Variants in UGT1A4 observed in about 807,000 individuals in gnomAD.
The protein encoded by UGT1A4 is UDP glucuronosyltransferase family 1 member A4, also known as UDP-glucuronosyltransferase 1A4.
A neutral mutation model predicts 41.1 loss-of-function variants in UGT1A4; 32 were observed. That is an observed-to-expected ratio of 0.78 (90% CI 0.59 to 1.05). UGT1A4 has a LOEUF of 1.05. Ranked by LOEUF, UGT1A4 falls within the 50% of genes least tolerant of loss-of-function variation. UGT1A4 has a pLI of 0.00. For missense variants in UGT1A4, 748 were observed against 677.4 expected (o/e 1.10, Z -1.16); for synonymous variants, 283 against 265.1 (o/e 1.07, Z -0.66).
At position 233,725,197 on chromosome 2, in the gene UGT1A4, C is replaced by G. The variant is rs183860264; in HGVS notation, c.867+5510C>G. 1.8e-3 allele frequency among the ~76,000 whole-genome samples: 143 copies of G among 80,676 alleles called. 7 individuals are homozygous for G. The highest frequency in any genetic ancestry group is 6.4e-3 in the Middle Eastern group (1 of 156). The allele number at this position is 80,676 out of a possible 152,430, so 52.9% of individuals were successfully genotyped here. A position where few individuals can be genotyped will look rare whatever the true frequency, so the allele number is the denominator to read the frequency against. On this transcript the variant is annotated intron_variant, in intron 1 of 4. Transcript: ENST00000373409. ...CCGTGGGGAGAGGCAGAGGCAGAGG[C>G]AGAGGCAGAGGCAGAGGCAGAGGAG...
chr2:233,731,567 G>C (rs187865178), intron 1 of UGT1A4, among the ~76,000 whole-genome samples: 1 of 152,286 alleles, frequency 6.6e-6, no homozygotes, highest in Non-Finnish European at 1.5e-5. Flanking sequence ...AGTTTGCTGA[G>C]AATGATGGTT....
intron 1 of UGT1A4, chr2:233,743,783 C>T (rs781656153): frequency 2.2e-6 from 3 of 1,367,380 alleles, no homozygotes; most frequent in Non-Finnish European, 2.9e-6. Context: ...CTGCTTGAAT[C>T]TCCTCTCCGC....
intron 1 of UGT1A4, chr2:233,743,836 C>G (rs62191918): frequency 1.5e-6 from 2 of 1,367,146 alleles, no homozygotes; most frequent in South Asian, 1.1e-5. Flanking sequence ...GCCACTTGAG[C>G]GCCAGCTTGC....
intron 1 of UGT1A4, among the ~76,000 whole-genome samples, chr2:233,751,413 T>C (rs1057500388): frequency 6.6e-6 from 1 of 152,208 alleles, no homozygotes; most frequent in Non-Finnish European, 1.5e-5. Flanking sequence ...TATGGACTTT[T>C]GAGCTAGTGC....
chr2:233,772,899 G>A lies in UGT1A4; in HGVS notation c.*340G>A, dbSNP rs1167184820. 6 of 428,920 alleles carry A rather than the reference G, an allele frequency of 1.4e-5. No homozygotes were observed. The highest frequency in any genetic ancestry group is 8.2e-5 in the African/African-American group (4 of 48,988). 26.6% of individuals were successfully genotyped at this position (428,920 alleles called of 1,614,324 possible). ...TGCGGGATTCAAAGGTGGTCCCACG[G>A]CTGCCCCTACTGCAAATGGCAGTTT... is the stretch of plus-strand genomic sequence containing the variant. On this transcript the variant is annotated 3_prime_UTR_variant, in exon 5 of 5. Coordinates refer to ENST00000373409, the MANE Select transcript of UGT1A4 (RefSeq NM_007120.3).
intron 1 of UGT1A4, among the ~76,000 whole-genome samples, chr2:233,727,196 C>T (rs77179634): frequency 0.034 from 5,111 of 152,210 alleles, 99 homozygotes; most frequent in African/African-American, 0.05. Flanking sequence ...CTGGGGTGAC[C>T]TCACTGACAC....
chr2:233,728,673 T>C (rs1429159158), intron 1 of UGT1A4, among the ~76,000 whole-genome samples: 1 of 152,152 alleles, frequency 6.6e-6, no homozygotes, highest in Non-Finnish European at 1.5e-5. Context: ...TACTCATACA[T>C]GAGAAGAAAG....
chr2:233,752,825 T>C (rs1254190294), intron 1 of UGT1A4, among the ~76,000 whole-genome samples: 1 of 152,218 alleles, frequency 6.6e-6, no homozygotes, highest in African/African-American at 2.4e-5. Context: ...ATTTATGACA[T>C]CAGTAATCTA....
At chr2:233,734,318 A>T (rs1468594401) in intron 1 of UGT1A4, among the ~76,000 whole-genome samples, 1 of 152,016 alleles carries the variant, frequency 6.6e-6, no homozygotes, top group African/African-American at 2.4e-5. Context: ...GTGTAGACGT[A>T]TTTATAGTAT....
Position 233,767,954 on chromosome 2 carries a change from G to A in UGT1A4, c.1087+18G>A, listed in dbSNP as rs770382182. On this transcript the variant is annotated intron_variant, in intron 3 of 4. Transcript: ENST00000373409. ...TCTGCTTGGTATGTTGGGCGGATTG[G>A]ATGTATAGGTCAAACCAGGGTCAAA... 1.9e-5 allele frequency: 30 copies of A among 1,614,036 alleles called. No homozygotes were observed. The highest frequency in any genetic ancestry group is 2.5e-6 in the Non-Finnish European group (3 of 1,180,050).
chr2:233,766,518 A>G (rs542510910), intron 1 of UGT1A4, among the ~76,000 whole-genome samples: 1 of 152,214 alleles, frequency 6.6e-6, no homozygotes, highest in East Asian at 1.9e-4. Context: ...GGGAAATGAA[A>G]CATTTAGGCA....
chr2:233,761,011 G>A, intron 1 of UGT1A4: 1 of 1,614,156 alleles, frequency 6.2e-7, no homozygotes, highest in Non-Finnish European at 8.5e-7. Flanking sequence ...TCAGAGAGAG[G>A]TGACTGTCCA....
rs2126036602 is a variant in UGT1A4 at position 233,768,050 on chromosome 2, C to G, written c.1087+114C>G. On this transcript the variant is annotated intron_variant, in intron 3 of 4. Transcript: ENST00000373409. ...TTGAAAATATTATGGCCAACATATC[C>G]TACATTGCTTTTTATCTAGTGGGGT... 3 of 1,606,318 alleles carry G rather than the reference C, an allele frequency of 1.9e-6. No individual in the cohort carries two copies. In the Middle Eastern group the frequency reaches 5.0e-4, roughly 265 times the overall value.
chr2:233,750,098 G>A (rs1449295750), intron 1 of UGT1A4, among the ~76,000 whole-genome samples: 1 of 151,902 alleles, frequency 6.6e-6, no homozygotes, highest in Non-Finnish European at 1.5e-5. Context: ...AGTTTGGAGA[G>A]CTCAGAAGAA....
At chr2:233,757,538 ATAT>A in intron 1 of UGT1A4, among the ~76,000 whole-genome samples, 1 of 109,754 alleles carries the variant, frequency 9.1e-6, no homozygotes, top group African/African-American at 4.4e-5. Context: ...TGTAAGGAAT[ATAT>A]ATATATATAT....
intron 1 of UGT1A4, among the ~76,000 whole-genome samples, chr2:233,757,535 A>AATATATATACATAT (rs376887521): frequency 1.4e-4 from 12 of 88,292 alleles, no homozygotes; most frequent in Admixed American, 3.3e-4. Context: ...GCCTGTAAGG[A>AATATATATACATAT]ATATATATAT....
At position 233,719,097 on chromosome 2, in the gene UGT1A4, A is replaced by G. The variant is rs780928839; in HGVS notation, c.277A>G (p.Thr93Ala). 2 of 1,614,264 alleles carry G rather than the reference A, an allele frequency of 1.2e-6. No individual in the cohort carries two copies. Among genetic ancestry groups the G allele is most frequent in the Non-Finnish European group, 1.7e-6 (2 of 1,180,044 alleles). The change falls in exon 1 of 5, where the codon ACG (threonine) becomes GCG (alanine). Residue 93 changes from threonine to alanine, a missense_variant. Thr to Ala is a moderately conservative substitution (Grantham distance 58). Coordinates refer to ENST00000373409, the MANE Select transcript of UGT1A4 (RefSeq NM_007120.3). ...GACCCAGAAGGAATTTGATCGCGTT[A>G]CGCTGGGCTACACTCAAGGGTTCTT... is the stretch of plus-strand genomic sequence containing the variant. Reference protein sequence around the residue: ...PWTQKEFDRVTLGYTQGFFET... With the variant: ...PWTQKEFDRVALGYTQGFFET...
At chr2:233,750,904 G>C (rs1235200101) in intron 1 of UGT1A4, among the ~76,000 whole-genome samples, 1 of 151,906 alleles carries the variant, frequency 6.6e-6, no homozygotes, top group Non-Finnish European at 1.5e-5. Context: ...ACCTCTGCTA[G>C]AGAAGGGTGG....
chr2:233,729,594 C>T (rs1443112600), intron 1 of UGT1A4: 5 of 1,614,106 alleles, frequency 3.1e-6, no homozygotes, highest in Non-Finnish European at 4.2e-6. Flanking sequence ...CCGTTAACCT[C>T]TGCGCGGCAG....
Sources: gnomAD v4.1 joint callset for allele counts (sites outside exome capture counted in the v4.1 genomes callset) on GRCh38, gnomAD v4.1.1 for gene constraint, MANE v1.5 for transcripts, NCBI Gene and HGNC (gene_info 2026-07-23, HGNC 2026-07-21) for gene names.